Variants in IL1RAPL2 observed in about 807,000 individuals in gnomAD.
IL1RAPL2 encodes interleukin 1 receptor accessory protein like 2.
In IL1RAPL2, 3 loss-of-function variants were observed where a neutral mutation model predicts 44.1. The observed-to-expected ratio is 0.07, with a 90% confidence interval of 0.03 to 0.18. IL1RAPL2 has a LOEUF of 0.18. IL1RAPL2 is among the 10% of genes least tolerant of loss of function. The pLI is 1.00. For synonymous variants in IL1RAPL2, 181 were observed against 178.8 expected, an observed-to-expected ratio of 1.01 and a Z score of -0.10; for missense variants, 391 against 496.4, an observed-to-expected ratio of 0.79 and a Z score of 2.02.
chrX:105,370,838 TG>T (rs757843209), intron 5 of IL1RAPL2, among the ~76,000 whole-genome samples: 14 of 112,352 alleles, frequency 1.2e-4, no homozygotes, highest in African/African-American at 4.2e-4. Context: ...GCTTTCCACG[TG>T]GGATTTACAT....
chrX:104,634,252 G>C (rs1248440809), intron 1 of IL1RAPL2, among the ~76,000 whole-genome samples: 4 of 111,314 alleles, frequency 3.6e-5, no homozygotes, highest in Non-Finnish European at 7.5e-5. Context: ...CTGAGGAGTG[G>C]TTTACTTCCA....
chrX:105,420,427 T>C lies in IL1RAPL2; in HGVS notation c.698-63886T>C, dbSNP rs527938920. Reference sequence around the variant, plus strand: ...TAGTTCAGAGAAAGTTTTTATGTATTAACCCCAAATCCTAGAAACTTCTCC... The same window carrying C: ...TAGTTCAGAGAAAGTTTTTATGTATCAACCCCAAATCCTAGAAACTTCTCC... On this transcript the variant is annotated intron_variant, in intron 5 of 10. Transcript: ENST00000372582. 1.6e-4 allele frequency among the ~76,000 whole-genome samples: 18 copies of C among 111,667 alleles called. No individual in the cohort carries two copies. The South Asian group carries it at 6.4e-3, about 40-fold the overall frequency.
intron 2 of IL1RAPL2, among the ~76,000 whole-genome samples, chrX:104,895,513 GC>G (rs1923616761): frequency 8.9e-6 from 1 of 112,619 alleles, no homozygotes; most frequent in African/African-American, 3.2e-5. Context: ...CCTCGCTGCT[GC>G]CTTGCAGATC....
chrX:104,720,433 ATATAT>A (rs1181452991), intron 2 of IL1RAPL2, among the ~76,000 whole-genome samples: 1 of 112,073 alleles, frequency 8.9e-6, no homozygotes, highest in Non-Finnish European at 1.9e-5. Flanking sequence ...TTAAATTCTA[ATATAT>A]TAGGACAGAT....
intron 6 of IL1RAPL2, among the ~76,000 whole-genome samples, chrX:105,547,333 G>T (rs5962293): frequency 1.2e-4 from 14 of 112,203 alleles, no homozygotes; most frequent in African/African-American, 4.2e-4. Flanking sequence ...GTTTGAAAAA[G>T]ATGTGAATTA....
chrX:104,812,710 T>G (rs1921028667), intron 2 of IL1RAPL2, among the ~76,000 whole-genome samples: 1 of 110,790 alleles, frequency 9.0e-6, no homozygotes, highest in African/African-American at 3.3e-5. Flanking sequence ...ACTATTTAAG[T>G]GTTATGGGGT....
chrX:105,151,144 T>C (rs113346134), intron 2 of IL1RAPL2, among the ~76,000 whole-genome samples: 5 of 112,282 alleles, frequency 4.5e-5, no homozygotes, highest in African/African-American at 1.6e-4. Context: ...ATCTTTACTG[T>C]ACAACTGTGG....
At chrX:104,605,735 C>A (rs999915718) in intron 1 of IL1RAPL2, among the ~76,000 whole-genome samples, 7 of 111,868 alleles carry the variant, frequency 6.3e-5, no homozygotes, top group Admixed American at 1.9e-4. Flanking sequence ...TGGATAAATT[C>A]CTGGACACAT....
At chrX:104,633,212 GC>G (rs1276585862) in intron 1 of IL1RAPL2, among the ~76,000 whole-genome samples, 1 of 111,656 alleles carries the variant, frequency 9.0e-6, no homozygotes, top group Non-Finnish European at 1.9e-5. Context: ...TGGTGGATAA[GC>G]TTTTTGATAT....
chrX:105,369,537 G>A (rs1483759578), intron 5 of IL1RAPL2, among the ~76,000 whole-genome samples: 1 of 111,661 alleles, frequency 9.0e-6, no homozygotes, highest in Non-Finnish European at 1.9e-5. Context: ...CTGGGGGCTA[G>A]ATTTTATCTC....
At chrX:105,399,829 CAAAT>C (rs1195382057) in intron 5 of IL1RAPL2, among the ~76,000 whole-genome samples, 1 of 110,945 alleles carries the variant, frequency 9.0e-6, no homozygotes. Flanking sequence ...TATTATCACA[CAAAT>C]AAGTATAAAA....
intron 5 of IL1RAPL2, among the ~76,000 whole-genome samples, chrX:105,360,489 A>G (rs2035239669): frequency 1.8e-5 from 2 of 111,213 alleles, no homozygotes; most frequent in Admixed American, 1.9e-4. Flanking sequence ...AATAAATAAT[A>G]ACTCAAGATA....
chrX:105,390,785 C>T (rs1334634569), intron 5 of IL1RAPL2, among the ~76,000 whole-genome samples: 1 of 110,956 alleles, frequency 9.0e-6, no homozygotes, highest in Non-Finnish European at 1.9e-5. Flanking sequence ...GTATCTGCGG[C>T]ATACGTTTTG....
intron 2 of IL1RAPL2, among the ~76,000 whole-genome samples, chrX:105,172,121 G>A (rs2033429195): frequency 8.9e-6 from 1 of 112,229 alleles, no homozygotes; most frequent in Admixed American, 9.4e-5. Context: ...CAGAGCAAAG[G>A]CAGCAAGGGC....
intron 7 of IL1RAPL2, among the ~76,000 whole-genome samples, chrX:105,737,220 G>A (rs914144807): frequency 9.1e-6 from 1 of 110,336 alleles, no homozygotes; most frequent in Non-Finnish European, 1.9e-5. Context: ...CAAACACCAG[G>A]GCCTACTTGA....
chrX:104,692,673 CTCA>C (rs1190120853), intron 2 of IL1RAPL2, among the ~76,000 whole-genome samples: 3 of 111,089 alleles, frequency 2.7e-5, no homozygotes, highest in African/African-American at 9.8e-5. Flanking sequence ...AGGACATGAA[CTCA>C]TCATTTTTTA....
intron 2 of IL1RAPL2, among the ~76,000 whole-genome samples, chrX:104,846,147 G>A (rs1342035561): frequency 1.8e-5 from 2 of 111,445 alleles, no homozygotes; most frequent in Non-Finnish European, 3.8e-5. Flanking sequence ...GTTTAAAAAG[G>A]AAACTATGAA....
intron 5 of IL1RAPL2, among the ~76,000 whole-genome samples, chrX:105,451,721 T>C (rs763705705): frequency 8.9e-6 from 1 of 111,968 alleles, no homozygotes; most frequent in African/African-American, 3.2e-5. Context: ...GCAAGCATAA[T>C]ATCTATAAAG....
intron 4 of IL1RAPL2, among the ~76,000 whole-genome samples, chrX:105,243,573 ATATATATATATG>A (rs1556210980): frequency 7.7e-4 from 72 of 93,752 alleles, no homozygotes; most frequent in African/African-American, 3.6e-3. Flanking sequence ...GTGTGTATAT[ATATATATATATG>A]TGTATATATA....
Sources: allele counts gnomAD v4.1 joint callset (sites outside exome capture counted in the v4.1 genomes callset), GRCh38; gene constraint gnomAD v4.1.1; transcripts MANE v1.5; gene names NCBI Gene and HGNC (gene_info 2026-07-23, HGNC 2026-07-21).